GPBP1: variants seen among roughly 807,000 people sequenced by gnomAD.
The protein encoded by GPBP1 is vasculin.
Under a neutral mutation model 56.5 loss-of-function variants are expected in GPBP1, and 13 were observed. That is an observed-to-expected ratio of 0.23 (90% confidence interval 0.15 to 0.37). The LOEUF is 0.37. GPBP1 is among the 10% of genes least tolerant of loss of function. GPBP1 has a pLI of 1.00. For missense variants in GPBP1, 477 were observed against 572.3 expected (o/e 0.83, Z 1.70); for synonymous variants, 204 against 188.9 (o/e 1.08, Z -0.66).
chr5:57,211,076 TTAAGA>T (rs1159000139), intron 2 of GPBP1, among the ~76,000 whole-genome samples: 1 of 151,612 alleles, frequency 6.6e-6, no homozygotes, highest in Non-Finnish European at 1.5e-5. Flanking sequence ...CACAATGCAG[TTAAGA>T]TGAGTGGTGT....
chr5:57,233,218 G>C, intron 5 of GPBP1, among the ~76,000 whole-genome samples: 1 of 152,132 alleles, frequency 6.6e-6, no homozygotes, highest in East Asian at 1.9e-4. Context: ...TATTTTGGAT[G>C]GAAGGTTTCA....
Position 57,262,815 on chromosome 5 carries a change from T to C in GPBP1, c.*63T>C. The C allele has an allele frequency of 7.0e-7, 1 of 1,429,550 alleles. No homozygotes were observed. The highest frequency in any genetic ancestry group is 1.3e-5 in the South Asian group (1 of 78,194). The allele number at this position is 1,429,550 out of a possible 1,614,324, so 88.6% of individuals were successfully genotyped here. On this transcript the variant is annotated 3_prime_UTR_variant, in exon 12 of 12. Coordinates refer to ENST00000506184, the MANE Select transcript of GPBP1 (RefSeq NM_022913.4). ...CATCTCTCATACAGTTTGGGGTGAA[T>C]TGTAAAAATGAAGAACTATAATTTA...
intron 10 of GPBP1, among the ~76,000 whole-genome samples, chr5:57,252,214 G>A (rs1208917174): frequency 6.9e-6 from 1 of 145,972 alleles, no homozygotes; most frequent in Non-Finnish European, 1.5e-5. Context: ...CTCCTGAGTA[G>A]CTGGGATTAC....
chr5:57,210,736 G>A (rs1188203519), intron 2 of GPBP1, among the ~76,000 whole-genome samples: 1 of 152,176 alleles, frequency 6.6e-6, no homozygotes, highest in Non-Finnish European at 1.5e-5. Flanking sequence ...GAGGTTCTAA[G>A]TTCAGGGTAG....
chr5:57,246,981 G>C (rs752738553), intron 7 of GPBP1, 94 bp from the exon 8 acceptor site: 59 of 1,044,274 alleles, frequency 5.6e-5, no homozygotes, highest in Non-Finnish European at 7.4e-5. Context: ...CATGAGCCTA[G>C]CGTAGTCATT....
Position 57,262,698 on chromosome 5 carries a change from G to T in GPBP1, c.1368G>T (p.Glu456Asp). 6.2e-7 allele frequency: 1 copy of T among 1,613,842 alleles called. No homozygotes were observed. Among genetic ancestry groups the T allele is most frequent in the Middle Eastern group, 1.7e-4 (1 of 6,058 alleles). Residue 456 changes from glutamate to aspartate, a missense_variant, in exon 12 of 12, where the codon GAG (glutamate) becomes GAT (aspartate). This residue lies in a region of GPBP1 where 63 missense variants were observed against 114.0 expected (regional missense o/e 0.55). Coordinates refer to ENST00000506184, the MANE Select transcript of GPBP1 (RefSeq NM_022913.4). Reference sequence around the variant, plus strand: ...ACAGCACTTTCAAACCCACAACTGAGAATGATGACACAGAGACAAGTAGCA... The same window carrying T: ...ACAGCACTTTCAAACCCACAACTGATAATGATGACACAGAGACAAGTAGCA... ...WKNSTFKPTT[E>D]NDDTETSSSD...
chr5:57,259,342 A>ATT (rs1741794212), intron 10 of GPBP1, among the ~76,000 whole-genome samples: 1 of 152,248 alleles, frequency 6.6e-6, no homozygotes, highest in South Asian at 2.1e-4. Context: ...ACTCTGAAAA[A>ATT]AGGTCTAAAA....
At chr5:57,185,040 TTTTG>T (rs199601973) in intron 2 of GPBP1, among the ~76,000 whole-genome samples, 1 of 152,216 alleles carries the variant, frequency 6.6e-6, no homozygotes, top group Non-Finnish European at 1.5e-5. Context: ...TTCAGAGACA[TTTTG>T]TTTGTTTCCA....
chr5:57,181,400 C>A (rs1407926188), intron 2 of GPBP1, among the ~76,000 whole-genome samples: 2 of 149,292 alleles, frequency 1.3e-5, no homozygotes, highest in African/African-American at 2.5e-5. Context: ...GCGATCGCGA[C>A]ACTGCACTCC....
intron 2 of GPBP1, among the ~76,000 whole-genome samples, chr5:57,187,189 G>A (rs902743477): frequency 7.2e-5 from 11 of 151,984 alleles, no homozygotes; most frequent in Admixed American, 5.9e-4. Context: ...AATTGTTTTT[G>A]TGGGTGTGTG....
rs1377475273 is a variant in GPBP1 at position 57,253,586 on chromosome 5, G to GC, written c.1160+2446dup. Among the ~76,000 whole-genome samples, 8 of 152,302 alleles carry GC rather than the reference G, an allele frequency of 5.3e-5. No homozygotes were observed. In the South Asian group the frequency reaches 1.5e-3, roughly 28 times the overall value. On this transcript the variant is annotated intron_variant, in intron 10 of 11. Coordinates refer to ENST00000506184, the MANE Select transcript of GPBP1 (RefSeq NM_022913.4). ...CACTATATCTAGCACCTAGAATGGTGCTTGGCACATTACTTTGCTTAAATT... is the reference window on the plus strand; with the variant it reads ...CACTATATCTAGCACCTAGAATGGTGCCTTGGCACATTACTTTGCTTAAATT...
At chr5:57,221,405 T>C (rs990094697) in intron 3 of GPBP1, 69 of 1,502,510 alleles carry the variant, frequency 4.6e-5, no homozygotes, top group Non-Finnish European at 4.7e-5. Context: ...AAGTAAGTAT[T>C]ACTGAAAGAA....
intron 2 of GPBP1, among the ~76,000 whole-genome samples, chr5:57,177,415 G>C (rs1753831736): frequency 6.6e-6 from 1 of 151,718 alleles, no homozygotes; most frequent in Non-Finnish European, 1.5e-5. Context: ...GTTAATATTA[G>C]TGAACACGAG....
intron 9 of GPBP1, among the ~76,000 whole-genome samples, chr5:57,250,712 T>C (rs1741343649): frequency 6.6e-6 from 1 of 151,980 alleles, no homozygotes; most frequent in Non-Finnish European, 1.5e-5. Flanking sequence ...CCAGCTAATT[T>C]TTTTGTATTT....
intron 2 of GPBP1, among the ~76,000 whole-genome samples, chr5:57,204,005 G>C (rs962961190): frequency 1.3e-5 from 2 of 152,058 alleles, no homozygotes; most frequent in Non-Finnish European, 2.9e-5. Context: ...CTGATGACCC[G>C]TAACTCTTAG....
At chr5:57,250,283 C>T (rs1741319758) in intron 9 of GPBP1, among the ~76,000 whole-genome samples, 1 of 151,272 alleles carries the variant, frequency 6.6e-6, no homozygotes, top group African/African-American at 2.4e-5. Flanking sequence ...GGATTACAGG[C>T]GTGAGCCACT....
rs2111986066 is a variant in GPBP1, at chr5:57,263,547, A to G, written c.*795A>G. ...CAGAAAAACTGATCACACTGACTGG[A>G]TCTGTCCACGACATGGAAAATAAAC... On this transcript the variant is annotated 3_prime_UTR_variant, in exon 12 of 12. Coordinates refer to ENST00000506184, the MANE Select transcript of GPBP1 (RefSeq NM_022913.4). The G allele has an allele frequency of 6.6e-6, 1 of 152,328 alleles. No individual in the cohort carries two copies. Among genetic ancestry groups the G allele is most frequent in the African/African-American group, 2.4e-5 (1 of 41,572 alleles). The allele number at this position is 152,328 out of a possible 1,614,324, so 9.4% of individuals were successfully genotyped here. A position where few individuals can be genotyped will look rare whatever the true frequency, so the allele number is the denominator to read the frequency against.
intron 2 of GPBP1, among the ~76,000 whole-genome samples, chr5:57,190,918 G>A (rs76641193): frequency 6.6e-6 from 1 of 151,606 alleles, no homozygotes; most frequent in Non-Finnish European, 1.5e-5. Flanking sequence ...ATGTTGCCTA[G>A]AACTCTAGGC....
rs114235823 is a variant in GPBP1 at position 57,209,596 on chromosome 5, C to G, written c.-57-4478C>G. Among the ~76,000 whole-genome samples, 1,374 of 151,836 alleles carry G rather than the reference C, an allele frequency of 9.0e-3. 17 individuals carry two copies. Among genetic ancestry groups the G allele is most frequent in the African/African-American group, 0.032 (1,327 of 41,512 alleles). ...CTTAAGGGGAAAGCTTTCAGTCTTT[C>G]ACCATTGAGGATGATGTGCTGTGGT... On this transcript the variant is annotated intron_variant, in intron 2 of 11. Transcript: ENST00000506184.
Sources: gnomAD v4.1 joint callset for allele counts (sites outside exome capture counted in the v4.1 genomes callset) on GRCh38, gnomAD v4.1.1 for gene constraint, gnomAD v4.1.1 regional missense constraint, MANE v1.5 for transcripts, NCBI Gene and HGNC (gene_info 2026-07-23, HGNC 2026-07-21) for gene names.